The following TMEM265 variants were observed in gnomAD, a reference collection of about 807,000 sequenced individuals.
The protein encoded by TMEM265 is transmembrane protein 265.
TMEM265 carries 8 observed loss-of-function variants against 9.5 expected under a neutral mutation model. The ratio of observed to expected loss-of-function variants is 0.84; its 90% confidence interval spans 0.49 to 1.52. The LOEUF (loss-of-function observed/expected upper bound fraction) is 1.52. TMEM265 is among the 40% of genes most tolerant of loss of function. TMEM265 has a pLI of 0.00. For missense variants in TMEM265, 152 were observed against 146.2 expected, an observed-to-expected ratio of 1.04 and a Z score of -0.21; for synonymous variants, 53 against 56.9, an observed-to-expected ratio of 0.93 and a Z score of 0.31.
chr16:30,741,904 T>C lies in TMEM265; in HGVS notation c.161T>C (p.Ile54Thr), dbSNP rs1297469803. Residue 54 changes from isoleucine to threonine, a missense_variant, in exon 2 of 3, where the codon ATC becomes ACC. Ile to Thr is a moderately conservative substitution (Grantham distance 89). Coordinates refer to ENST00000615541, the MANE Select transcript of TMEM265 (RefSeq NM_001256829.2). ...GGAGTCATGGCTCTGGTGTTTGCCA[T>C]CAAGGTGAGGAGTGCAATTCCCATG... is the stretch of plus-strand genomic sequence containing the variant. Reference protein sequence around the residue: ...CLGVMALVFAIKAEERHKAGR... With the variant: ...CLGVMALVFATKAEERHKAGR... The C allele has an allele frequency of 3.3e-6, 5 of 1,533,846 alleles. No individual in the cohort carries two copies. The highest frequency in any genetic ancestry group is 4.4e-6 in the Non-Finnish European group (5 of 1,146,634).
chr16:30,745,163 ATG>A lies in TMEM265; in HGVS notation c.*1222_*1223del, dbSNP rs1445677417. The stretch of plus-strand genomic sequence containing the variant: ...ATAAATGGAATCATGTATTCTTTTC[ATG>A]TTAACATTGTGAGATTCGTCAATAT... On this transcript the variant is annotated 3_prime_UTR_variant, in exon 3 of 3. Coordinates refer to ENST00000615541, the MANE Select transcript of TMEM265 (RefSeq NM_001256829.2). 1.3e-5 allele frequency: 2 copies of A among 152,188 alleles called. No individual in the cohort carries two copies. The highest frequency in any genetic ancestry group is 2.9e-5 in the Non-Finnish European group (2 of 68,034). The allele number at this position is 152,188 out of a possible 1,614,324, so 9.4% of individuals were successfully genotyped here. A position where few individuals can be genotyped will look rare whatever the true frequency, so the allele number is the denominator to read the frequency against.
At position 30,741,836 on chromosome 16, in the gene TMEM265, C is replaced by T. The variant is rs535936926; in HGVS notation, c.93C>T (p.Arg31=). The part of the protein sequence containing the change: ...SPIRCCWLRL[R]CLAATSIICG... ...TCCGCTGCTGCTGGCTCCGCCTCCG[C>T]TGCTTGGCAGCTACTAGCATTATCT... Residue 31 remains arginine (R), a synonymous_variant, in exon 2 of 3, where the codon CGC becomes CGT. Coordinates refer to ENST00000615541, the MANE Select transcript of TMEM265 (RefSeq NM_001256829.2). The T allele has an allele frequency of 1.1e-5, 17 of 1,533,876 alleles. No homozygotes were observed. In the East Asian group the frequency reaches 2.2e-4, roughly 20 times the overall value.
chr16:30,744,102 G>T lies in TMEM265; in HGVS notation c.*159G>T. On this transcript the variant is annotated 3_prime_UTR_variant, in exon 3 of 3. Transcript: ENST00000615541. ...AGAGCTCTTCTAGCCCTTTATAAAA[G>T]GAGGGCAGCAGCTGAGACTGATGAG... The T allele has an allele frequency of 1.2e-6, 1 of 844,386 alleles. No homozygotes were observed. Among genetic ancestry groups the T allele is most frequent in the South Asian group, 2.1e-5 (1 of 47,502 alleles). 52.3% of individuals were successfully genotyped at this position (844,386 alleles called of 1,614,324 possible).
intron 1 of TMEM265, 35 bp from the exon 2 acceptor site, chr16:30,741,706 G>T (rs1265592996): frequency 2.0e-6 from 3 of 1,517,586 alleles, no homozygotes; most frequent in South Asian, 2.4e-5. Context: ...GGGCTCTGTT[G>T]TTGGGCTCAC....
Position 30,742,201 on chromosome 16 carries a change from G to A in TMEM265, c.165+293G>A, listed in dbSNP as rs117957819. On this transcript the variant is annotated intron_variant, in intron 2 of 2. Transcript: ENST00000615541. ...GTATGTAATTATATATGTGTATATGGTAGAATAGGTGACTGGAAAGGCATC... is the reference window on the plus strand; with the variant it reads ...GTATGTAATTATATATGTGTATATGATAGAATAGGTGACTGGAAAGGCATC... Among the ~76,000 whole-genome samples, 476 of 152,288 alleles carry A rather than the reference G, an allele frequency of 3.1e-3. 1 individual carries two copies. The highest frequency in any genetic ancestry group is 6.0e-3 in the Non-Finnish European group (406 of 68,020).
In TMEM265 at chr16:30,744,351, C is replaced by G. The variant is rs747280321; in HGVS notation, c.*408C>G. 1 of 156,382 alleles carries G rather than the reference C, an allele frequency of 6.4e-6. No individual in the cohort carries two copies. Among genetic ancestry groups the G allele is most frequent in the Non-Finnish European group, 1.4e-5 (1 of 71,142 alleles). The allele number at this position is 156,382 out of a possible 1,614,324, so 9.7% of individuals were successfully genotyped here. ...GGTGAGAGCCAGACTGGACATCTGACTGATAGCAGAAGCCAGCATCCACCT... is the reference window on the plus strand; with the variant it reads ...GGTGAGAGCCAGACTGGACATCTGAGTGATAGCAGAAGCCAGCATCCACCT... On this transcript the variant is annotated 3_prime_UTR_variant, in exon 3 of 3. Transcript: ENST00000615541.
intron 2 of TMEM265, 92 bp downstream of exon 2, chr16:30,742,000 C>A: frequency 7.8e-7 from 1 of 1,283,972 alleles, no homozygotes; most frequent in Non-Finnish European, 1.1e-6. Context: ...CACTGAATAC[C>A]TATCAGTGCT....
chr16:30,742,563 G>A (rs568303615), intron 2 of TMEM265, among the ~76,000 whole-genome samples: 14 of 152,294 alleles, frequency 9.2e-5, no homozygotes, highest in African/African-American at 2.9e-4. Context: ...GGTGATGAGC[G>A]CAATCTCTAG....
chr16:30,741,935 G>A (rs2053229195), intron 2 of TMEM265, 27 bp downstream of exon 2: 1 of 1,530,372 alleles, frequency 6.5e-7, no homozygotes, highest in Non-Finnish European at 8.7e-7. Flanking sequence ...CCATGGGAAT[G>A]GGGGTGGGTA....
chr16:30,742,020 G>A, intron 2 of TMEM265, 112 bp downstream of exon 2: 2 of 1,147,072 alleles, frequency 1.7e-6, no homozygotes, highest in South Asian at 3.2e-5. Context: ...TCTGGGCCTA[G>A]TGCCAGAAAT....
rs2053244178 is a variant in TMEM265, at chr16:30,744,448, C to G, written c.*505C>G. ...TGGAAGTTTCCCTTCTTGGAAAGACCCCAGCTTCTCCCTTGTACGTCCACA... is the reference window on the plus strand; with the variant it reads ...TGGAAGTTTCCCTTCTTGGAAAGACGCCAGCTTCTCCCTTGTACGTCCACA... On this transcript the variant is annotated 3_prime_UTR_variant, in exon 3 of 3. Coordinates refer to ENST00000615541, the MANE Select transcript of TMEM265 (RefSeq NM_001256829.2). 1 of 151,954 alleles carries G rather than the reference C, an allele frequency of 6.6e-6. No individual in the cohort carries two copies. The highest frequency in any genetic ancestry group is 1.5e-5 in the Non-Finnish European group (1 of 68,022). 9.4% of individuals were successfully genotyped at this position (151,954 alleles called of 1,614,324 possible).
chr16:30,743,858 C>T lies in TMEM265; in HGVS notation c.242C>T (p.Ala81Val). The T allele has an allele frequency of 6.5e-7, 1 of 1,533,940 alleles. No homozygotes were observed. ...WGARARKLIL[A>V]SFAVWLAVLI... ...GCCCGGGCCCGGAAACTCATCCTGG[C>T]CAGCTTTGCTGTCTGGCTTGCTGTC... Residue 81 changes from alanine (A) to valine (V), a missense_variant, in exon 3 of 3, where the codon GCC becomes GTC. Coordinates refer to ENST00000615541, the MANE Select transcript of TMEM265 (RefSeq NM_001256829.2).
At chr16:30,743,637 A>G in intron 2 of TMEM265, 145 bp from the exon 3 acceptor site, 1 of 1,028,274 alleles carries the variant, frequency 9.7e-7, no homozygotes, top group Non-Finnish European at 1.4e-6. Flanking sequence ...TGCAGATGAG[A>G]GGTTAGAATC....
chr16:30,742,062 G>A (rs138183253), intron 2 of TMEM265, among the ~76,000 whole-genome samples, 154 bp downstream of exon 2: 1 of 152,256 alleles, frequency 6.6e-6, no homozygotes, highest in East Asian at 1.9e-4. Context: ...GTCGTCAGAG[G>A]ACCCATAATC....
At chr16:30,741,260 T>A (rs1484458601) in intron 1 of TMEM265, 1 of 152,662 alleles carries the variant, frequency 6.6e-6, no homozygotes, top group East Asian at 1.9e-4. Context: ...ATAACTGTTT[T>A]CATGTAAAAT....
intron 1 of TMEM265, 61 bp downstream of exon 1, chr16:30,740,768 C>T (rs915447741): frequency 8.5e-5 from 13 of 152,394 alleles, no homozygotes; most frequent in African/African-American, 3.1e-4. Flanking sequence ...TTGTGTCCTC[C>T]TGTTGACTCT....
At position 30,741,611 on chromosome 16, in the gene TMEM265, C is replaced by T. The variant is rs1052729320; in HGVS notation, c.-3-130C>T. Reference sequence around the variant, plus strand: ...TCTGTGAGTCACTAGAGGAATTCCCCAGTAAGGCAACATTCCTGAGTGCCA... The same window carrying T: ...TCTGTGAGTCACTAGAGGAATTCCCTAGTAAGGCAACATTCCTGAGTGCCA... On this transcript the variant is annotated intron_variant, in intron 1 of 2. Coordinates refer to ENST00000615541, the MANE Select transcript of TMEM265 (RefSeq NM_001256829.2). The T allele has an allele frequency of 1.6e-5, 16 of 994,904 alleles. No individual in the cohort carries two copies. The African/African-American group carries it at 2.3e-4, about 14-fold the overall frequency. The allele number at this position is 994,904 out of a possible 1,614,324, so 61.6% of individuals were successfully genotyped here.
rs2053241587 is a variant in TMEM265, at chr16:30,744,023, GTGGTTGGAAGGATCC to G, written c.*94_*108del. The stretch of plus-strand genomic sequence containing the variant: ...GCATTGCTAAGGTCCTGTGACAGCA[GTGGTTGGAAGGATCC>G]TGGTTGGAAGGATGGGGACTCTCTC... On this transcript the variant is annotated 3_prime_UTR_variant, in exon 3 of 3. Transcript: ENST00000615541. 2 of 1,437,362 alleles carry G rather than the reference GTGGTTGGAAGGATCC, an allele frequency of 1.4e-6. No individual in the cohort carries two copies. Among genetic ancestry groups the G allele is most frequent in the Non-Finnish European group, 1.8e-6 (2 of 1,082,998 alleles). The allele number at this position is 1,437,362 out of a possible 1,614,324, so 89.0% of individuals were successfully genotyped here.
chr16:30,741,058 TGAG>T lies in TMEM265; in HGVS notation c.-4+353_-4+355del, dbSNP rs1206421029. 5 of 152,350 alleles carry T rather than the reference TGAG, an allele frequency of 3.3e-5. No homozygotes were observed. In the South Asian group the frequency reaches 6.2e-4, roughly 19 times the overall value. The allele number at this position is 152,350 out of a possible 1,614,324, so 9.4% of individuals were successfully genotyped here. The stretch of plus-strand genomic sequence containing the variant: ...CATTTTGCAGGTTTCTGTGTGGTAA[TGAG>T]GTCATTTAGACTCAGTGTACTAGTC... On this transcript the variant is annotated intron_variant, in intron 1 of 2. Coordinates refer to ENST00000615541, the MANE Select transcript of TMEM265 (RefSeq NM_001256829.2).
Sources: allele counts gnomAD v4.1 joint callset (sites outside exome capture counted in the v4.1 genomes callset), GRCh38; gene constraint gnomAD v4.1.1; transcripts MANE v1.5; gene names NCBI Gene and HGNC (gene_info 2026-07-23, HGNC 2026-07-21).